Variants in MAP2 observed in about 807,000 individuals in gnomAD.
MAP2 encodes the protein microtubule associated protein 2.
Under a neutral mutation model 137.6 loss-of-function variants are expected in MAP2, and 14 were observed. The observed-to-expected ratio is 0.10, with a 90% CI of 0.07 to 0.16. MAP2 has a LOEUF of 0.16. Among genes scored for constraint, MAP2 ranks in the 10% least tolerant of loss-of-function variants. The pLI is 1.00. For synonymous variants in MAP2, 786 were observed against 782.3 expected, an observed-to-expected ratio of 1.00 and a Z score of -0.08; for missense variants, 2,088 against 2,191.5, an observed-to-expected ratio of 0.95 and a Z score of 0.94.
chr2:209,663,447 C>T (rs961938169), intron 5 of MAP2, among the ~76,000 whole-genome samples: 1 of 152,240 alleles, frequency 6.6e-6, no homozygotes, highest in Admixed American at 6.5e-5. Flanking sequence ...TTCAGCAACA[C>T]TCATAGAAAA....
At chr2:209,429,115 G>A (rs553241698) in intron 1 of MAP2, among the ~76,000 whole-genome samples, 6 of 151,702 alleles carry the variant, frequency 4.0e-5, no homozygotes, top group African/African-American at 7.3e-5. Context: ...CACCGCTCCC[G>A]GCTAATTTTT....
chr2:209,619,005 T>C lies in MAP2; in HGVS notation c.-106-6048T>C, dbSNP rs78183578. Reference sequence around the variant, plus strand: ...TAAACCTGGAGGACATTATGTTACATGAAATAAGACAGACTCAGAAAGACA... The same window carrying C: ...TAAACCTGGAGGACATTATGTTACACGAAATAAGACAGACTCAGAAAGACA... On this transcript the variant is annotated intron_variant, in intron 3 of 15. Coordinates refer to ENST00000682079, the MANE Select transcript of MAP2 (RefSeq NM_001375505.1). Among the ~76,000 whole-genome samples, 1,050 of 152,284 alleles carry C rather than the reference T, an allele frequency of 6.9e-3. 14 individuals are homozygous for C. The highest frequency in any genetic ancestry group is 0.024 in the African/African-American group (990 of 41,570).
At chr2:209,617,347 G>A (rs1369592357) in intron 3 of MAP2, among the ~76,000 whole-genome samples, 5 of 152,094 alleles carry the variant, frequency 3.3e-5, no homozygotes, top group Non-Finnish European at 7.4e-5. Flanking sequence ...GAGGCATCAA[G>A]TGTAGGTTGA....
At chr2:209,613,304 A>G (rs981016755) in intron 3 of MAP2, among the ~76,000 whole-genome samples, 3 of 151,876 alleles carry the variant, frequency 2.0e-5, no homozygotes, top group Non-Finnish European at 4.4e-5. Context: ...CTATAGCTGC[A>G]TGAGTTTTCT....
intron 2 of MAP2, among the ~76,000 whole-genome samples, chr2:209,522,828 A>G (rs1234060403): frequency 1.3e-5 from 2 of 152,180 alleles, no homozygotes; most frequent in African/African-American, 4.8e-5. Context: ...TACAACTTAC[A>G]TAGAAAACCC....
chr2:209,452,337 C>G (rs1700504841), intron 1 of MAP2, among the ~76,000 whole-genome samples: 1 of 152,172 alleles, frequency 6.6e-6, no homozygotes, highest in Non-Finnish European at 1.5e-5. Context: ...CCACTTTCAT[C>G]CTATCCCCTG....
intron 2 of MAP2, among the ~76,000 whole-genome samples, chr2:209,558,510 A>G (rs1002147619): frequency 2.0e-5 from 3 of 151,858 alleles, no homozygotes; most frequent in Admixed American, 2.0e-4. Context: ...TTTCTTCTGA[A>G]CTGTTTGCAA....
intron 1 of MAP2, among the ~76,000 whole-genome samples, chr2:209,444,943 T>C (rs1669195354): frequency 6.6e-6 from 1 of 151,558 alleles, no homozygotes; most frequent in South Asian, 2.1e-4. Flanking sequence ...TTTGTGATGA[T>C]GTGTTACCAT....
At chr2:209,627,867 C>G (rs1000277959) in intron 4 of MAP2, among the ~76,000 whole-genome samples, 5 of 152,104 alleles carry the variant, frequency 3.3e-5, no homozygotes, top group Non-Finnish European at 7.4e-5. Flanking sequence ...AGGTGATTAC[C>G]TTTGAAATTG....
chr2:209,646,212 T>G (rs1484923704), intron 4 of MAP2, among the ~76,000 whole-genome samples: 1 of 151,962 alleles, frequency 6.6e-6, no homozygotes, highest in Non-Finnish European at 1.5e-5. Context: ...TAAAATGAAA[T>G]AAAGAAAATA....
intron 10 of MAP2, among the ~76,000 whole-genome samples, chr2:209,698,124 A>G (rs2060753890): frequency 6.6e-6 from 1 of 152,072 alleles, no homozygotes; most frequent in South Asian, 2.1e-4. Context: ...CTGGGATTAC[A>G]GGCATGAGCC....
At chr2:209,676,977 G>A (rs148765476) in intron 5 of MAP2, among the ~76,000 whole-genome samples, 2,265 of 151,322 alleles carry the variant, frequency 0.015, 26 homozygotes, top group Middle Eastern at 0.028. Flanking sequence ...GTCTAAGCAT[G>A]ATCTTTACAG....
At chr2:209,434,841 A>C (rs1471436064) in intron 1 of MAP2, among the ~76,000 whole-genome samples, 12,056 of 122,708 alleles carry the variant, frequency 0.098, 1,719 homozygotes, top group African/African-American at 0.31. Flanking sequence ...CTCTATATAT[A>C]TATATATGTT....
At chr2:209,675,879 A>G (rs564140438) in intron 5 of MAP2, among the ~76,000 whole-genome samples, 46 of 152,036 alleles carry the variant, frequency 3.0e-4, no homozygotes, top group Non-Finnish European at 6.2e-4. Context: ...TTTAAGAAAT[A>G]CTGTTTTGAT....
Position 209,466,163 on chromosome 2 carries a change from C to T in MAP2, c.-221-41429C>T, listed in dbSNP as rs138907065. ...ACTATTGGTTTGTCTCAGTTTCTTA[C>T]AGAGTAAAATTTGAGAGTAAAATTT... is the stretch of plus-strand genomic sequence containing the variant. On this transcript the variant is annotated intron_variant, in intron 1 of 15. Coordinates refer to ENST00000682079, the MANE Select transcript of MAP2 (RefSeq NM_001375505.1). 3.2e-4 allele frequency among the ~76,000 whole-genome samples: 48 copies of T among 152,262 alleles called. 1 individual carries two copies. In the East Asian group the frequency reaches 9.1e-3, roughly 29 times the overall value.
At position 209,694,081 on chromosome 2, in the gene MAP2, C is replaced by T; in HGVS notation, c.1911C>T (p.Tyr637=). 6.2e-7 allele frequency: 1 copy of T among 1,613,538 alleles called. No homozygotes were observed. The highest frequency in any genetic ancestry group is 8.5e-7 in the Non-Finnish European group (1 of 1,179,794). The change falls in exon 8 of 16, where the codon TAC becomes TAT. Residue 637 remains tyrosine, a synonymous_variant. Transcript: ENST00000682079. ...GTCCTCCAGCACAAGAAGCAGGGTA[C>T]AGCACTCTCGCACAGAGTTATCCAT... ...QPSPPAQEAG[Y]STLAQSYPSD...
At chr2:209,623,693 C>T (rs1265211232) in intron 3 of MAP2, among the ~76,000 whole-genome samples, 1 of 151,910 alleles carries the variant, frequency 6.6e-6, no homozygotes, top group Non-Finnish European at 1.5e-5. Flanking sequence ...AGTTATTGTG[C>T]ATAGAACTCT....
chr2:209,448,044 C>T (rs146995351), intron 1 of MAP2, among the ~76,000 whole-genome samples: 4 of 152,128 alleles, frequency 2.6e-5, no homozygotes, highest in East Asian at 3.9e-4. Flanking sequence ...CAGATGCACA[C>T]AAAAGTTTTG....
chr2:209,613,320 C>T (rs1309313347), intron 3 of MAP2, among the ~76,000 whole-genome samples: 1 of 151,702 alleles, frequency 6.6e-6, no homozygotes, highest in Admixed American at 6.6e-5. Flanking sequence ...TTTCTTTTAG[C>T]TGAATGGCTC....
Sources: allele counts gnomAD v4.1 joint callset (sites outside exome capture counted in the v4.1 genomes callset), GRCh38; gene constraint gnomAD v4.1.1; transcripts MANE v1.5; gene names NCBI Gene and HGNC (gene_info 2026-07-23, HGNC 2026-07-21).